CTNNA3: variants seen among roughly 807,000 people sequenced by gnomAD.
CTNNA3 encodes catenin alpha 3.
A neutral mutation model predicts 95.7 loss-of-function variants in CTNNA3; 76 were observed. The ratio of observed to expected loss-of-function variants is 0.79; its 90% CI spans 0.66 to 0.96. The LOEUF (loss-of-function observed/expected upper bound fraction) is 0.96, where lower values mean the gene tolerates loss of function less well. Ranked by LOEUF, CTNNA3 falls within the 40% of genes least tolerant of loss-of-function variation. The pLI, the probability that CTNNA3 is intolerant of heterozygous loss-of-function variation, is 0.00. For synonymous variants in CTNNA3, 431 were observed against 374.4 expected, an observed-to-expected ratio of 1.15 and a Z score of -1.74; for missense variants, 1,191 against 1,089.8, an observed-to-expected ratio of 1.09 and a Z score of -1.31.
At chr10:66,505,356 TTCTC>T (rs1407680735) in intron 11 of CTNNA3, among the ~76,000 whole-genome samples, 1 of 152,182 alleles carries the variant, frequency 6.6e-6, no homozygotes. Flanking sequence ...AATACACACT[TTCTC>T]TCTGTCTTTC....
intron 5 of CTNNA3, among the ~76,000 whole-genome samples, chr10:67,289,931 C>G (rs1839767654): frequency 6.6e-6 from 1 of 151,842 alleles, no homozygotes; most frequent in Non-Finnish European, 1.5e-5. Context: ...TCCCAACTAC[C>G]TAGGACTGCA....
chr10:66,746,331 T>A (rs1350781057), intron 9 of CTNNA3, among the ~76,000 whole-genome samples: 1 of 152,158 alleles, frequency 6.6e-6, no homozygotes, highest in Non-Finnish European at 1.5e-5. Context: ...TTAGACCTAG[T>A]TTAGACCTAG....
chr10:67,536,054 C>T (rs1011405338), intron 4 of CTNNA3, among the ~76,000 whole-genome samples: 10 of 152,022 alleles, frequency 6.6e-5, no homozygotes, highest in Non-Finnish European at 1.5e-4. Flanking sequence ...GTTCTGCTCA[C>T]CATGTCGAGT....
chr10:67,247,853 T>C (rs554218599), intron 5 of CTNNA3, among the ~76,000 whole-genome samples: 1 of 152,268 alleles, frequency 6.6e-6, no homozygotes, highest in Admixed American at 6.5e-5. Flanking sequence ...AATAATTCTT[T>C]TAAAAAGAAT....
At chr10:66,068,479 C>A (rs926859894) in intron 15 of CTNNA3, among the ~76,000 whole-genome samples, 1 of 152,052 alleles carries the variant, frequency 6.6e-6, no homozygotes, top group Non-Finnish European at 1.5e-5. Flanking sequence ...TGTACATTTT[C>A]TCCATTAATT....
chr10:66,599,942 A>G (rs372864332), intron 10 of CTNNA3, among the ~76,000 whole-genome samples: 51 of 152,142 alleles, frequency 3.4e-4, no homozygotes, highest in African/African-American at 1.0e-3. Flanking sequence ...GGAAATGTTC[A>G]CTTCTTATTC....
chr10:66,014,026 A>G (rs1301056050), intron 15 of CTNNA3, among the ~76,000 whole-genome samples: 1 of 152,282 alleles, frequency 6.6e-6, no homozygotes, highest in South Asian at 2.1e-4. Flanking sequence ...CAGTAATAAC[A>G]ACTTGTGAAG....
chr10:65,961,958 T>C (rs2077853531), intron 17 of CTNNA3, among the ~76,000 whole-genome samples: 1 of 152,104 alleles, frequency 6.6e-6, no homozygotes, highest in South Asian at 2.1e-4. Flanking sequence ...CAAAAGTGCC[T>C]GATTCCCTGG....
intron 14 of CTNNA3, among the ~76,000 whole-genome samples, chr10:66,097,265 G>A (rs1386804549): frequency 6.6e-6 from 1 of 152,012 alleles, no homozygotes; most frequent in African/African-American, 2.4e-5. Context: ...TCCCATATCA[G>A]GAGTCAGAGA....
chr10:66,804,234 TTGC>T (rs1198824826), intron 7 of CTNNA3, among the ~76,000 whole-genome samples: 1 of 152,028 alleles, frequency 6.6e-6, no homozygotes, highest in Non-Finnish European at 1.5e-5. Context: ...AACCCAAAAC[TTGC>T]TGGTTTTATG....
chr10:66,742,346 C>T (rs1849355253), intron 9 of CTNNA3, among the ~76,000 whole-genome samples: 1 of 152,222 alleles, frequency 6.6e-6, no homozygotes, highest in East Asian at 1.9e-4. Flanking sequence ...GCTCTCAAAC[C>T]CTGTCTCCTG....
chr10:65,938,161 A>G (rs1242924638), intron 17 of CTNNA3, among the ~76,000 whole-genome samples: 1 of 152,202 alleles, frequency 6.6e-6, no homozygotes, highest in Non-Finnish European at 1.5e-5. Context: ...GAGCAAGTTT[A>G]GAAAATGAAT....
At chr10:66,751,026 T>C (rs1429030867) in intron 9 of CTNNA3, among the ~76,000 whole-genome samples, 2 of 152,106 alleles carry the variant, frequency 1.3e-5, no homozygotes, top group African/African-American at 2.4e-5. Flanking sequence ...TCCCAGCACT[T>C]TGGGAGGCCA....
At chr10:67,137,240 T>C (rs1257163311) in intron 7 of CTNNA3, among the ~76,000 whole-genome samples, 2 of 152,172 alleles carry the variant, frequency 1.3e-5, no homozygotes, top group African/African-American at 2.4e-5. Context: ...TTAGCTATTG[T>C]AATAAAAGTT....
chr10:66,763,335 C>G (rs202044733), intron 9 of CTNNA3, among the ~76,000 whole-genome samples: 47,758 of 112,772 alleles, frequency 0.42, 8,126 homozygotes, highest in East Asian at 0.52. Flanking sequence ...CACACACACA[C>G]ACACACAGAG....
At chr10:66,788,155 G>T (rs1048579625) in intron 7 of CTNNA3, among the ~76,000 whole-genome samples, 1 of 152,038 alleles carries the variant, frequency 6.6e-6, no homozygotes, top group African/African-American at 2.4e-5. Flanking sequence ...ATTCAGAGGG[G>T]TTCAGAATCT....
chr10:66,194,882 G>T (rs1376524159), intron 13 of CTNNA3, among the ~76,000 whole-genome samples: 3 of 152,082 alleles, frequency 2.0e-5, no homozygotes, highest in Non-Finnish European at 4.4e-5. Context: ...CCACCACAAA[G>T]GTGAAGAGAA....
intron 9 of CTNNA3, among the ~76,000 whole-genome samples, chr10:66,623,547 T>C (rs1326137445): frequency 1.3e-5 from 2 of 152,088 alleles, no homozygotes; most frequent in Non-Finnish European, 2.9e-5. Flanking sequence ...CAGAATTAAT[T>C]TTATACAACC....
intron 1 of CTNNA3, among the ~76,000 whole-genome samples, chr10:67,660,174 T>G (rs1840138567): frequency 1.3e-5 from 2 of 152,194 alleles, no homozygotes; most frequent in Non-Finnish European, 2.9e-5. Flanking sequence ...ACCATCCAAG[T>G]TCATTATTTA....
Sources: gnomAD v4.1 joint callset for allele counts (sites outside exome capture counted in the v4.1 genomes callset) on GRCh38, gnomAD v4.1.1 for gene constraint, MANE v1.5 for transcripts, NCBI Gene and HGNC (gene_info 2026-07-23, HGNC 2026-07-21) for gene names.